Variants in ATP2C2 observed in about 807,000 individuals in gnomAD.
ATP2C2 encodes the protein calcium-transporting ATPase type 2C member 2.
In ATP2C2, 171 loss-of-function variants were observed where a neutral mutation model predicts 110.8. The ratio of observed to expected loss-of-function variants is 1.54; its 90% CI spans 1.36 to 1.75. The LOEUF is 1.75. ATP2C2 is among the 40% of genes most tolerant of loss of function. ATP2C2 has a pLI of 0.00. For missense variants in ATP2C2, 1,963 were observed against 1,235.0 expected, an observed-to-expected ratio of 1.59 and a Z score of -8.84; for synonymous variants, 804 against 508.4, an observed-to-expected ratio of 1.58 and a Z score of -7.82.
intron 3 of ATP2C2, among the ~76,000 whole-genome samples, chr16:84,406,999 C>T (rs1233823315): frequency 1.3e-5 from 2 of 152,180 alleles, no homozygotes; most frequent in Non-Finnish European, 2.9e-5. Flanking sequence ...CCTGCTCATT[C>T]ATCTTATAGC....
At chr16:84,451,304 C>T (rs896765694) in intron 17 of ATP2C2, among the ~76,000 whole-genome samples, 8 of 152,276 alleles carry the variant, frequency 5.3e-5, no homozygotes, top group South Asian at 2.1e-4. Context: ...TCCCACAACA[C>T]GTGGGAATTA....
intron 1 of ATP2C2, among the ~76,000 whole-genome samples, chr16:84,396,874 G>C (rs532419344): frequency 6.6e-6 from 1 of 152,064 alleles, no homozygotes; most frequent in Non-Finnish European, 1.5e-5. Context: ...CACTGGGCAT[G>C]AGTGAGAAGC....
In ATP2C2 at chr16:84,410,734, C is replaced by G. The variant is rs200768940; in HGVS notation, c.484C>G (p.Leu162Val). The G allele has an allele frequency of 5.0e-6, 8 of 1,614,080 alleles. No individual in the cohort carries two copies. Among genetic ancestry groups the G allele is most frequent in the Admixed American group, 3.3e-5 (2 of 60,008 alleles). Reference protein sequence around the residue: ...EYRSEKSLEELTKLVPPECNC... With the variant: ...EYRSEKSLEEVTKLVPPECNC... ...CAGGTCGGAGAAATCTCTGGAAGAG[C>G]TGACCAAGCTGGTTCCTCCAGAATG... The change falls in exon 6 of 27, where the codon CTG (leucine) becomes GTG (valine). Residue 162 changes from leucine to valine, a missense_variant. Leu to Val is a conservative substitution (Grantham distance 32). Transcript: ENST00000262429.
chr16:84,459,505 G>T, intron 23 of ATP2C2, 119 bp downstream of exon 23: 1 of 1,572,316 alleles, frequency 6.4e-7, no homozygotes. Flanking sequence ...CTTTCCATCA[G>T]GAGTTCCCAG....
In ATP2C2 at chr16:84,439,237, G is replaced by A. The variant is rs372231003; in HGVS notation, c.1058G>A (p.Arg353Gln). The change falls in exon 12 of 27, where the codon CGG (arginine) becomes CAG (glutamine). Residue 353 changes from arginine to glutamine, a missense_variant. By Grantham distance (43) the Arg-to-Gln change is conservative. Coordinates refer to ENST00000262429, the MANE Select transcript of ATP2C2 (RefSeq NM_014861.4). The part of the protein sequence containing the change: ...VMVTLVLGVL[R>Q]MAKKRVIVKK... ...GTGACGCTGGTCCTGGGAGTGCTGC[G>A]GATGGCCAAGAAGCGGGTCATCGTG... 27 of 1,612,220 alleles carry A rather than the reference G, an allele frequency of 1.7e-5. No individual in the cohort carries two copies. Among genetic ancestry groups the A allele is most frequent in the African/African-American group, 8.0e-5 (6 of 74,858 alleles).
chr16:84,421,557 C>T (rs1287059241), intron 7 of ATP2C2, among the ~76,000 whole-genome samples: 1 of 152,030 alleles, frequency 6.6e-6, no homozygotes, highest in East Asian at 1.9e-4. Flanking sequence ...AGGGATAGGC[C>T]CACCCAGCCC....
intron 7 of ATP2C2, among the ~76,000 whole-genome samples, chr16:84,417,873 G>A (rs1399482620): frequency 1.3e-5 from 2 of 152,214 alleles, no homozygotes; most frequent in African/African-American, 2.4e-5. Context: ...ATGCTTATCA[G>A]CTATTAAGCT....
At chr16:84,376,937 T>C (rs757844288) in intron 1 of ATP2C2, among the ~76,000 whole-genome samples, 19 of 152,178 alleles carry the variant, frequency 1.2e-4, no homozygotes, top group Non-Finnish European at 2.6e-4. Context: ...AATCGATACC[T>C]CCCCTGTGGA....
rs1244193851 is a variant in ATP2C2, at chr16:84,423,189, C to T, written c.845C>T (p.Thr282Ile). Residue 282 changes from threonine (T) to isoleucine (I), a missense_variant and splice_region_variant, in exon 10 of 27, where the codon ACA (threonine) becomes ATA (isoleucine). Coordinates refer to ENST00000262429, the MANE Select transcript of ATP2C2 (RefSeq NM_014861.4). ...AACCCATTGTGCTCACCCTTTCAGA[C>T]ACCTAAAACTCCTTTGCAGAAAAGC... Reference protein sequence around the residue: ...EVFKMMQAEETPKTPLQKSMD... With the variant: ...EVFKMMQAEEIPKTPLQKSMD... 1.2e-5 allele frequency: 20 copies of T among 1,613,830 alleles called. No homozygotes were observed. In the East Asian group the frequency reaches 4.5e-4, roughly 36 times the overall value.
intron 24 of ATP2C2, chr16:84,461,135 C>G (rs1344600200): frequency 6.1e-6 from 2 of 330,208 alleles, no homozygotes; most frequent in East Asian, 1.3e-4. Context: ...GCTAAATATC[C>G]TCCTGTGTTA....
At chr16:84,431,095 T>G (rs1319579528) in intron 11 of ATP2C2, among the ~76,000 whole-genome samples, 1 of 152,072 alleles carries the variant, frequency 6.6e-6, no homozygotes, top group African/African-American at 2.4e-5. Flanking sequence ...TCCTGGAGTT[T>G]TCTGGCTGGG....
Position 84,415,543 on chromosome 16 carries a change from A to ATC in ATP2C2, c.583_584dup (p.Ile196ArgfsTer39). ...GAGAACTGGTTCCTGGTGATGTCGT[A>ATC]TCTCTCTCGATCGGAGACCGGATCC... On this transcript the variant is annotated frameshift_variant, in exon 7 of 27. Coordinates refer to ENST00000262429, the MANE Select transcript of ATP2C2 (RefSeq NM_014861.4). LOFTEE classifies it high-confidence loss of function. 1 of 1,614,172 alleles carries ATC rather than the reference A, an allele frequency of 6.2e-7. No homozygotes were observed.
chr16:84,459,889 T>C (rs1911104374), intron 23 of ATP2C2: 2 of 341,756 alleles, frequency 5.9e-6, no homozygotes, highest in African/African-American at 4.2e-5. Context: ...TGCCACTCAG[T>C]AGGTGCTCAG....
intron 6 of ATP2C2, among the ~76,000 whole-genome samples, chr16:84,414,060 T>G (rs971426421): frequency 6.6e-6 from 1 of 152,024 alleles, no homozygotes; most frequent in Non-Finnish European, 1.5e-5. Flanking sequence ...TAATAGTGAC[T>G]GGTAGAAGGG....
chr16:84,459,995 C>G (rs1368633067), intron 23 of ATP2C2: 4 of 245,510 alleles, frequency 1.6e-5, no homozygotes, highest in African/African-American at 6.7e-5. Flanking sequence ...ACCCATCTGG[C>G]CACGTGTGCG....
chr16:84,377,020 G>C (rs1910289239), intron 1 of ATP2C2, among the ~76,000 whole-genome samples: 2 of 152,206 alleles, frequency 1.3e-5, no homozygotes, highest in African/African-American at 2.4e-5. Flanking sequence ...AATAATCCCA[G>C]TACCTCTGGT....
At chr16:84,389,904 G>T (rs1178567166) in intron 1 of ATP2C2, among the ~76,000 whole-genome samples, 2 of 152,000 alleles carry the variant, frequency 1.3e-5, no homozygotes, top group African/African-American at 4.8e-5. Context: ...TGTATTTTTA[G>T]TAGAGACAGG....
At chr16:84,419,419 G>A (rs1378012381) in intron 7 of ATP2C2, among the ~76,000 whole-genome samples, 1 of 151,972 alleles carries the variant, frequency 6.6e-6, no homozygotes, top group Non-Finnish European at 1.5e-5. Flanking sequence ...CCTCCCTTAT[G>A]AGGACCCTCG....
chr16:84,369,501 G>A (rs1909827923), intron 1 of ATP2C2, among the ~76,000 whole-genome samples: 1 of 151,100 alleles, frequency 6.6e-6, no homozygotes, highest in African/African-American at 2.5e-5. Context: ...GAGGGTCGTT[G>A]CACTTTTTTT....
Sources: gnomAD v4.1 joint callset for allele counts (sites outside exome capture counted in the v4.1 genomes callset) on GRCh38, gnomAD v4.1.1 for gene constraint, MANE v1.5 for transcripts, NCBI Gene and HGNC (gene_info 2026-07-23, HGNC 2026-07-21) for gene names.